Variants in ADGRB3 observed in about 807,000 individuals in gnomAD.
The protein encoded by ADGRB3 is adhesion G protein-coupled receptor B3.
In ADGRB3, 37 loss-of-function variants were observed where a neutral mutation model predicts 193.4. The observed-to-expected ratio is 0.19, with a 90% CI of 0.15 to 0.25. The LOEUF (loss-of-function observed/expected upper bound fraction) is 0.25, where lower values mean the gene tolerates loss of function less well. Ranked by LOEUF, ADGRB3 falls within the 10% of genes least tolerant of loss-of-function variation. The pLI, the probability that ADGRB3 is intolerant of heterozygous loss-of-function variation, is 1.00. For missense variants in ADGRB3, 1,637 were observed against 1,852.9 expected, an observed-to-expected ratio of 0.88 and a Z score of 2.14; for synonymous variants, 690 against 644.2, an observed-to-expected ratio of 1.07 and a Z score of -1.08.
intron 16 of ADGRB3, among the ~76,000 whole-genome samples, chr6:69,073,703 T>A (rs1479914957): frequency 1.3e-5 from 2 of 152,134 alleles, no homozygotes; most frequent in African/African-American, 4.8e-5. Flanking sequence ...AGGGAGCCCT[T>A]CCCACCTGGC....
Position 68,655,304 on chromosome 6 carries a change from G to A in ADGRB3, c.757+15872G>A, listed in dbSNP as rs561430300. Among the ~76,000 whole-genome samples the A allele has an allele frequency of 8.6e-5, 13 of 151,422 alleles. No homozygotes were observed. In the South Asian group the frequency reaches 1.2e-3, roughly 15 times the overall value. On this transcript the variant is annotated intron_variant, in intron 3 of 31. Coordinates refer to ENST00000370598, the MANE Select transcript of ADGRB3 (RefSeq NM_001704.3). ...AAACATCAGGGTTTTGTTTTGTTTC[G>A]TTTTTTTGTTGTTTCTGTTTTCTGT...
Position 69,199,043 on chromosome 6 carries a change from A to G in ADGRB3, c.2481-34247A>G, listed in dbSNP as rs114079116. On this transcript the variant is annotated intron_variant, in intron 17 of 31. Coordinates refer to ENST00000370598, the MANE Select transcript of ADGRB3 (RefSeq NM_001704.3). ...CCTGGTTCTGTCAAAGCAGGCAAGGACACCAGTGGAGGTGAAGCAGAAATA... is the reference window on the plus strand; with the variant it reads ...CCTGGTTCTGTCAAAGCAGGCAAGGGCACCAGTGGAGGTGAAGCAGAAATA... Among the ~76,000 whole-genome samples the G allele has an allele frequency of 7.0e-3, 1,071 of 152,234 alleles. 11 individuals carry two copies. Among genetic ancestry groups the G allele is most frequent in the African/African-American group, 0.024 (998 of 41,556 alleles).
At chr6:68,815,191 C>G (rs777924747) in intron 3 of ADGRB3, among the ~76,000 whole-genome samples, 7 of 152,020 alleles carry the variant, frequency 4.6e-5, no homozygotes, top group Non-Finnish European at 7.4e-5. Context: ...CAGTCCTTCG[C>G]GGCTCCTACT....
At chr6:68,940,547 C>CTTTTTTTTT in intron 5 of ADGRB3, among the ~76,000 whole-genome samples, 1,149 of 69,108 alleles carry the variant, frequency 0.017, 120 homozygotes, top group African/African-American at 0.049. Flanking sequence ...TGCTTTTGAA[C>CTTTTTTTTT]TTTTTTTTTT....
chr6:68,946,957 C>T (rs1767790318), intron 6 of ADGRB3, among the ~76,000 whole-genome samples: 1 of 152,022 alleles, frequency 6.6e-6, no homozygotes, highest in Non-Finnish European at 1.5e-5. Flanking sequence ...TGAGTCAATG[C>T]ACAACTTCCT....
At chr6:69,271,063 G>C (rs1053911453) in intron 20 of ADGRB3, among the ~76,000 whole-genome samples, 5 of 152,116 alleles carry the variant, frequency 3.3e-5, no homozygotes, top group African/African-American at 1.2e-4. Context: ...TATAAAATGT[G>C]TCATTAGTGG....
chr6:68,873,569 C>T (rs1765515274), intron 3 of ADGRB3, among the ~76,000 whole-genome samples: 1 of 152,090 alleles, frequency 6.6e-6, no homozygotes, highest in South Asian at 2.1e-4. Context: ...AGTAAAGATT[C>T]TGCTTATCCT....
chr6:69,128,361 T>G (rs555279274), intron 17 of ADGRB3, among the ~76,000 whole-genome samples: 3 of 152,284 alleles, frequency 2.0e-5, no homozygotes, highest in South Asian at 4.1e-4. Context: ...TCTTAAAATG[T>G]AAAGCCTCAG....
At chr6:68,769,480 T>A (rs9446055) in intron 3 of ADGRB3, among the ~76,000 whole-genome samples, 5 of 151,832 alleles carry the variant, frequency 3.3e-5, no homozygotes, top group Non-Finnish European at 7.4e-5. Flanking sequence ...TAAGTCGGAG[T>A]TGAACAATGA....
chr6:68,745,037 G>A (rs1234078002), intron 3 of ADGRB3, among the ~76,000 whole-genome samples: 1 of 152,022 alleles, frequency 6.6e-6, no homozygotes, highest in East Asian at 1.9e-4. Flanking sequence ...ATAGCCTGTG[G>A]GTGAGTGGTT....
At chr6:68,827,778 G>C (rs1044136899) in intron 3 of ADGRB3, among the ~76,000 whole-genome samples, 9 of 152,012 alleles carry the variant, frequency 5.9e-5, no homozygotes, top group African/African-American at 2.2e-4. Context: ...TGTTAGTGTA[G>C]CCCAAAAGGC....
intron 3 of ADGRB3, among the ~76,000 whole-genome samples, chr6:68,778,531 T>C (rs1298528444): frequency 6.6e-6 from 1 of 152,106 alleles, no homozygotes; most frequent in East Asian, 1.9e-4. Context: ...GTTTTGTAGA[T>C]GTGTTTTCAA....
intron 11 of ADGRB3, among the ~76,000 whole-genome samples, chr6:69,010,995 A>T (rs745745834): frequency 6.6e-6 from 1 of 151,934 alleles, no homozygotes; most frequent in Non-Finnish European, 1.5e-5. Flanking sequence ...AAATTCAATC[A>T]TGCGGCCTGA....
At chr6:69,211,235 G>A (rs1765660829) in intron 17 of ADGRB3, among the ~76,000 whole-genome samples, 1 of 152,194 alleles carries the variant, frequency 6.6e-6, no homozygotes, top group South Asian at 2.1e-4. Flanking sequence ...CTGGAAGGAA[G>A]GTCGGCAACC....
intron 3 of ADGRB3, among the ~76,000 whole-genome samples, chr6:68,856,885 C>T (rs993575885): frequency 3.3e-5 from 5 of 152,190 alleles, no homozygotes; most frequent in Non-Finnish European, 7.3e-5. Flanking sequence ...ATTTCATGGG[C>T]CAGGCCCTGG....
At chr6:69,171,429 T>C (rs1775268810) in intron 17 of ADGRB3, among the ~76,000 whole-genome samples, 1 of 152,238 alleles carries the variant, frequency 6.6e-6, no homozygotes, top group Non-Finnish European at 1.5e-5. Flanking sequence ...ACCCTTGTTC[T>C]TGGTAGTTAT....
chr6:69,309,516 T>C (rs1205676915), intron 20 of ADGRB3, among the ~76,000 whole-genome samples: 1 of 151,702 alleles, frequency 6.6e-6, no homozygotes, highest in Non-Finnish European at 1.5e-5. Flanking sequence ...TAATCTGATT[T>C]CTCTTTGAAA....
At chr6:68,772,882 C>CAAAACA (rs1766650635) in intron 3 of ADGRB3, among the ~76,000 whole-genome samples, 2 of 23,922 alleles carry the variant, frequency 8.4e-5, no homozygotes, top group African/African-American at 3.4e-4. Flanking sequence ...AACAAACAAA[C>CAAAACA]AAAAAAAAAA....
intron 3 of ADGRB3, among the ~76,000 whole-genome samples, chr6:68,915,201 T>A (rs1766841611): frequency 6.6e-6 from 1 of 152,184 alleles, no homozygotes; most frequent in African/African-American, 2.4e-5. Flanking sequence ...ATCCAGCACA[T>A]ATTAGCTACG....
Sources: gnomAD v4.1 joint callset for allele counts (sites outside exome capture counted in the v4.1 genomes callset) on GRCh38, gnomAD v4.1.1 for gene constraint, MANE v1.5 for transcripts, NCBI Gene and HGNC (gene_info 2026-07-23, HGNC 2026-07-21) for gene names.